GALNTL6: variants seen among roughly 807,000 people sequenced by gnomAD.
GALNTL6 encodes polypeptide N-acetylgalactosaminyltransferase-like 6.
Under a neutral mutation model 73.7 loss-of-function variants are expected in GALNTL6, and 46 were observed. That is an observed-to-expected ratio of 0.62 (90% CI 0.49 to 0.80). The LOEUF is 0.80. Ranked by LOEUF, GALNTL6 falls within the 30% of genes least tolerant of loss-of-function variation. The pLI, the probability that GALNTL6 is intolerant of heterozygous loss-of-function variation, is 0.00. For missense variants in GALNTL6, 604 were observed against 755.0 expected (o/e 0.80, Z 2.34); for synonymous variants, 259 against 263.7 (o/e 0.98, Z 0.17).
At chr4:171,817,023 G>A (rs1190109443) in intron 2 of GALNTL6, among the ~76,000 whole-genome samples, 2 of 151,972 alleles carry the variant, frequency 1.3e-5, no homozygotes, top group African/African-American at 4.8e-5. Context: ...TGGGTAATAT[G>A]TTATTTCTAT....
intron 4 of GALNTL6, among the ~76,000 whole-genome samples, chr4:172,322,917 G>A (rs761482501): frequency 1.8e-4 from 28 of 152,018 alleles, no homozygotes; most frequent in African/African-American, 3.6e-4. Context: ...AAACCAACAC[G>A]TATATAAGGG....
intron 2 of GALNTL6, among the ~76,000 whole-genome samples, chr4:171,850,155 A>G (rs1735480745): frequency 1.3e-5 from 2 of 152,184 alleles, no homozygotes; most frequent in African/African-American, 2.4e-5. Context: ...TATTTTTAGT[A>G]GAGACCAGGT....
intron 5 of GALNTL6, among the ~76,000 whole-genome samples, chr4:172,651,611 T>G (rs999825037): frequency 2.0e-5 from 3 of 152,214 alleles, no homozygotes; most frequent in African/African-American, 7.2e-5. Flanking sequence ...AGTACCTTAT[T>G]TCATCATATA....
Position 172,250,882 on chromosome 4 carries a change from A to C in GALNTL6, c.247+21118A>C, listed in dbSNP as rs564146542. Among the ~76,000 whole-genome samples the C allele has an allele frequency of 2.0e-5, 3 of 152,262 alleles. No individual in the cohort carries two copies. The South Asian group carries it at 6.2e-4, about 32-fold the overall frequency. The stretch of plus-strand genomic sequence containing the variant: ...TGAATCACTGTTGGTCATTATTCAG[A>C]AGGGATCAATAAACATATCAGACAC... On this transcript the variant is annotated intron_variant, in intron 3 of 12. Transcript: ENST00000506823.
rs1744277363 is a variant in GALNTL6, at chr4:172,859,373, T to A, written c.924-23417T>A. ...TTCAAGATTGCAGGAGATTAGGTCA[T>A]GTCCTGGCTCTTGGTTATACCAAGG... On this transcript the variant is annotated intron_variant, in intron 7 of 12. Transcript: ENST00000506823. Among the ~76,000 whole-genome samples, 3 of 152,192 alleles carry A rather than the reference T, an allele frequency of 2.0e-5. 1 individual carries two copies. The highest frequency in any genetic ancestry group is 6.5e-5 in the Admixed American group (1 of 15,268).
At chr4:172,167,394 A>G (rs188359536) in intron 2 of GALNTL6, among the ~76,000 whole-genome samples, 1 of 152,304 alleles carries the variant, frequency 6.6e-6, no homozygotes, top group Non-Finnish European at 1.5e-5. Context: ...TGTGTCATGT[A>G]TAGCACACTC....
intron 5 of GALNTL6, among the ~76,000 whole-genome samples, chr4:172,686,092 A>G (rs552166080): frequency 9.2e-5 from 14 of 152,210 alleles, no homozygotes; most frequent in Non-Finnish European, 1.5e-4. Flanking sequence ...CTTGGAGAGT[A>G]AGTTTGGAGA....
rs1741422585 is a variant in GALNTL6 at position 172,338,417 on chromosome 4, G to T, written c.387-10106G>T. Among the ~76,000 whole-genome samples the T allele has an allele frequency of 2.6e-5, 4 of 151,686 alleles. No homozygotes were observed. In the South Asian group the frequency reaches 8.3e-4, roughly 32 times the overall value. On this transcript the variant is annotated intron_variant, in intron 4 of 12. Transcript: ENST00000506823. ...ACTTCTAATTTGTGTAATTATTTTTGTGTGAATCGGATTTTTTTTCTCTCT... is the reference window on the plus strand; with the variant it reads ...ACTTCTAATTTGTGTAATTATTTTTTTGTGAATCGGATTTTTTTTCTCTCT...
intron 2 of GALNTL6, among the ~76,000 whole-genome samples, chr4:171,903,258 G>A (rs7662725): frequency 0.022 from 3,309 of 152,140 alleles, 95 homozygotes; most frequent in African/African-American, 0.07. Flanking sequence ...GGGAGTGCCA[G>A]ACAGTGGGCG....
At position 172,930,877 on chromosome 4, in the gene GALNTL6, C is replaced by G. The variant is rs1748294910; in HGVS notation, c.1042-284C>G. 3.9e-5 allele frequency among the ~76,000 whole-genome samples: 6 copies of G among 152,238 alleles called. No homozygotes were observed. The South Asian group carries it at 1.2e-3, about 32-fold the overall frequency. ...ATGTGGTTTCGTCATGTTGCCCAGG[C>G]TGGTCGTGACCACCTGGGCTCAAGT... On this transcript the variant is annotated intron_variant, in intron 8 of 12. Coordinates refer to ENST00000506823, the MANE Select transcript of GALNTL6 (RefSeq NM_001034845.3).
chr4:172,405,435 ATATATATATTTTTTTTTTTTTT>A (rs1379843473), intron 5 of GALNTL6, among the ~76,000 whole-genome samples: 5 of 5,106 alleles, frequency 9.8e-4, no homozygotes, highest in African/African-American at 3.5e-3. Context: ...ATATATATAT[ATATATATATTTTTTTTTTTTTT>A]TTTTTTTTTC....
intron 2 of GALNTL6, among the ~76,000 whole-genome samples, chr4:172,079,596 A>G (rs779934132): frequency 6.6e-6 from 1 of 152,108 alleles, no homozygotes; most frequent in Non-Finnish European, 1.5e-5. Flanking sequence ...CATGATAACT[A>G]AAATTTTGCC....
At chr4:172,088,132 T>C (rs1465843313) in intron 2 of GALNTL6, among the ~76,000 whole-genome samples, 1 of 152,178 alleles carries the variant, frequency 6.6e-6, no homozygotes, top group Non-Finnish European at 1.5e-5. Flanking sequence ...TTAAAATAAA[T>C]TATGTTTTTA....
At chr4:172,441,967 TTA>T (rs1731853040) in intron 5 of GALNTL6, among the ~76,000 whole-genome samples, 1 of 152,206 alleles carries the variant, frequency 6.6e-6, no homozygotes, top group South Asian at 2.1e-4. Context: ...TCCAGTCACA[TTA>T]TCCAGCATCA....
intron 5 of GALNTL6, among the ~76,000 whole-genome samples, chr4:172,542,414 T>C (rs1213489606): frequency 6.6e-6 from 1 of 152,098 alleles, no homozygotes; most frequent in African/African-American, 2.4e-5. Context: ...TACAGGGCGT[T>C]CTTTGTTAGA....
chr4:171,928,353 C>T (rs773641521), intron 2 of GALNTL6, among the ~76,000 whole-genome samples: 12 of 152,136 alleles, frequency 7.9e-5, no homozygotes, highest in Non-Finnish European at 1.6e-4. Context: ...TTAACAGTAA[C>T]GATGGAGTCC....
At chr4:172,342,691 T>C (rs1741610220) in intron 4 of GALNTL6, among the ~76,000 whole-genome samples, 1 of 152,220 alleles carries the variant, frequency 6.6e-6, no homozygotes, top group Non-Finnish European at 1.5e-5. Flanking sequence ...CCATTAAATT[T>C]TGTCCAACAA....
intron 5 of GALNTL6, among the ~76,000 whole-genome samples, chr4:172,670,579 A>C (rs1180455911): frequency 6.6e-6 from 1 of 151,820 alleles, no homozygotes; most frequent in Non-Finnish European, 1.5e-5. Context: ...TTTTGCAAAA[A>C]TTTTCTGCCA....
At chr4:172,061,861 C>A (rs940792803) in intron 2 of GALNTL6, among the ~76,000 whole-genome samples, 1 of 151,944 alleles carries the variant, frequency 6.6e-6, no homozygotes, top group Non-Finnish European at 1.5e-5. Flanking sequence ...AAGGACTTAG[C>A]ATACGCCAAC....
Sources: allele counts gnomAD v4.1 joint callset (sites outside exome capture counted in the v4.1 genomes callset), GRCh38; gene constraint gnomAD v4.1.1; transcripts MANE v1.5; gene names NCBI Gene and HGNC (gene_info 2026-07-23, HGNC 2026-07-21).